The following TEKT1 variants were observed in gnomAD, a reference collection of about 807,000 sequenced individuals.
TEKT1 encodes tektin-1.
In TEKT1, 32 loss-of-function variants were observed where a neutral mutation model predicts 34.8. That is an observed-to-expected ratio of 0.92 (90% CI 0.69 to 1.23). The LOEUF (loss-of-function observed/expected upper bound fraction) is 1.23, where lower values mean the gene tolerates loss of function less well. Ranked by LOEUF, TEKT1 falls within the 50% of genes most tolerant of loss-of-function variation. TEKT1 has a pLI of 0.00. For synonymous variants in TEKT1, 207 were observed against 199.8 expected, an observed-to-expected ratio of 1.04 and a Z score of -0.30; for missense variants, 492 against 518.5, an observed-to-expected ratio of 0.95 and a Z score of 0.50.
At chr17:6,827,949 C>CTTTTTTTTTTTTTTTTTTT (rs1392072130) in intron 2 of TEKT1, among the ~76,000 whole-genome samples, 1 of 148,666 alleles carries the variant, frequency 6.7e-6, no homozygotes, top group Non-Finnish European at 1.5e-5. Flanking sequence ...GATTTCTCTT[C>CTTTTTTTTTTTTTTTTTTT]TTTTTTTTGT....
chr17:6,828,702 C>A (rs1329222132), intron 2 of TEKT1, among the ~76,000 whole-genome samples: 1 of 152,050 alleles, frequency 6.6e-6, no homozygotes, highest in Non-Finnish European at 1.5e-5. Context: ...TATAGATAGT[C>A]GAGTTGGTTA....
intron 2 of TEKT1, 68 bp downstream of exon 2, chr17:6,830,114 AACATG>A: frequency 7.0e-7 from 1 of 1,421,134 alleles, no homozygotes; most frequent in Non-Finnish European, 9.6e-7. Context: ...GCCACATCTG[AACATG>A]ACACTATAGC....
Position 6,811,881 on chromosome 17 carries a change from A to C in TEKT1, c.852+950T>G, listed in dbSNP as rs902969239. The stretch of plus-strand genomic sequence containing the variant: ...GACATCGACAAATTCTACAGGAAGG[A>C]CCCTAATCTGTAGAATTTGCCGATA... On this transcript the variant is annotated intron_variant, in intron 6 of 7. Transcript: ENST00000338694. The surrounding 1 kb of genome is among the most constrained non-coding windows in gnomAD (Gnocchi z 4.4). Among the ~76,000 whole-genome samples, 1 of 152,038 alleles carries C rather than the reference A, an allele frequency of 6.6e-6. No individual in the cohort carries two copies. The highest frequency in any genetic ancestry group is 1.5e-5 in the Non-Finnish European group (1 of 68,004).
At chr17:6,814,227 A>G (rs911718996) in intron 5 of TEKT1, among the ~76,000 whole-genome samples, 1 of 152,158 alleles carries the variant, frequency 6.6e-6, no homozygotes, top group Admixed American at 6.5e-5. Context: ...GAGATAATAC[A>G]TGTTTATTGT....
rs79630153 is a variant in TEKT1, at chr17:6,815,146, C to A, written c.629+17G>T. On this transcript the variant is annotated intron_variant, in intron 5 of 7. Transcript: ENST00000338694. ...ACTGGGTCACCCGCGAGGAGGAAGACGGCAAGGCCCACTCACTTTGGCTCA... is the reference window on the plus strand; with the variant it reads ...ACTGGGTCACCCGCGAGGAGGAAGAAGGCAAGGCCCACTCACTTTGGCTCA... 1 of 1,599,516 alleles carries A rather than the reference C, an allele frequency of 6.3e-7. No individual in the cohort carries two copies. The highest frequency in any genetic ancestry group is 2.2e-5 in the East Asian group (1 of 44,824).
chr17:6,804,891 A>G (rs963932265), intron 6 of TEKT1, among the ~76,000 whole-genome samples: 7 of 152,166 alleles, frequency 4.6e-5, no homozygotes, highest in Non-Finnish European at 7.3e-5. Flanking sequence ...TTTTGCATCA[A>G]TGTTCATCAG....
chr17:6,829,515 CT>C (rs34702459), intron 2 of TEKT1, among the ~76,000 whole-genome samples: 46,262 of 137,278 alleles, frequency 0.34, 6,601 homozygotes, highest in African/African-American at 0.36. Flanking sequence ...CTTTTTCTTT[CT>C]TTTTTTTTTT....
intron 6 of TEKT1, among the ~76,000 whole-genome samples, chr17:6,806,369 A>G (rs563152368): frequency 1.3e-5 from 2 of 152,196 alleles, no homozygotes; most frequent in South Asian, 4.1e-4. Flanking sequence ...GTCTCTGCAC[A>G]TGAGATGGGT....
At position 6,822,365 on chromosome 17, in the gene TEKT1, G is replaced by A. The variant is rs1050577293; in HGVS notation, c.191-3007C>T. Among the ~76,000 whole-genome samples, 21 of 152,090 alleles carry A rather than the reference G, an allele frequency of 1.4e-4. 1 individual carries two copies. Among genetic ancestry groups the A allele is most frequent in the Admixed American group, 1.0e-3 (16 of 15,280 alleles). Reference sequence around the variant, plus strand: ...TTGCCAAGGCTGGTCTCAAACTCCTGGTCTCAACTGATCTTCCTATTTTGG... The same window carrying A: ...TTGCCAAGGCTGGTCTCAAACTCCTAGTCTCAACTGATCTTCCTATTTTGG... On this transcript the variant is annotated intron_variant, in intron 2 of 7. Transcript: ENST00000338694.
intron 2 of TEKT1, among the ~76,000 whole-genome samples, chr17:6,826,719 G>A (rs1205088134): frequency 2.3e-4 from 34 of 149,550 alleles, no homozygotes; most frequent in African/African-American, 7.6e-4. Flanking sequence ...TTTTTGCGAC[G>A]GAGTCTTGCT....
intron 2 of TEKT1, among the ~76,000 whole-genome samples, chr17:6,828,650 C>T (rs796998621): frequency 3.3e-5 from 5 of 152,222 alleles, no homozygotes; most frequent in African/African-American, 1.2e-4. Context: ...CTACTAAACC[C>T]TAATGCCTTA....
At chr17:6,806,184 G>T (rs1033190781) in intron 6 of TEKT1, among the ~76,000 whole-genome samples, 2 of 152,150 alleles carry the variant, frequency 1.3e-5, no homozygotes, top group Admixed American at 6.5e-5. Context: ...AGGATAGTTA[G>T]CTCTTCTTGT....
intron 2 of TEKT1, among the ~76,000 whole-genome samples, chr17:6,823,884 G>A (rs1225601195): frequency 1.4e-5 from 2 of 137,932 alleles, no homozygotes; most frequent in Admixed American, 8.0e-5. Flanking sequence ...CTGCAGTGGC[G>A]CTATCTCGGC....
At chr17:6,819,818 G>C (rs974439072) in intron 2 of TEKT1, among the ~76,000 whole-genome samples, 1 of 152,128 alleles carries the variant, frequency 6.6e-6, no homozygotes, top group South Asian at 2.1e-4. Flanking sequence ...CTCCCGAGTA[G>C]CTGTGACTAC....
chr17:6,815,276 C>G lies in TEKT1; in HGVS notation c.516G>C (p.Glu172Asp). Reference protein sequence around the residue: ...RMNRSAKYNLEKDLKDKFVAL... With the variant: ...RMNRSAKYNLDKDLKDKFVAL... ...CCACAAACTTGTCCTTCAAATCCTT[C>G]TCAAGATTGTACTTGGCAGAGCGGT... Residue 172 changes from glutamate to aspartate, a missense_variant, in exon 5 of 8, where the codon GAG (glutamate) becomes GAC (aspartate). Physicochemically the swap from Glu to Asp is conservative, Grantham distance 45 (BLOSUM62 2). Transcript: ENST00000338694. 6.2e-7 allele frequency: 1 copy of G among 1,614,248 alleles called. No homozygotes were observed. The highest frequency in any genetic ancestry group is 8.5e-7 in the Non-Finnish European group (1 of 1,180,052).
In TEKT1 at chr17:6,829,747, T is replaced by A. The variant is rs535056373; in HGVS notation, c.190+440A>T. Among the ~76,000 whole-genome samples the A allele has an allele frequency of 1.3e-5, 2 of 151,880 alleles. 1 individual carries two copies. The highest frequency in any genetic ancestry group is 4.9e-5 in the African/African-American group (2 of 41,208). On this transcript the variant is annotated intron_variant, in intron 2 of 7. Transcript: ENST00000338694. ...CTGTATTGTTTTTATTTGTATTCTT[T>A]AATTGTTGTAATCTTTTATTGTTTT...
intron 6 of TEKT1, among the ~76,000 whole-genome samples, chr17:6,809,861 T>C (rs1976903027): frequency 6.6e-6 from 1 of 152,240 alleles, no homozygotes; most frequent in Admixed American, 6.5e-5. Context: ...TAATATTTCA[T>C]TGTCTGGATG....
intron 6 of TEKT1, among the ~76,000 whole-genome samples, chr17:6,805,909 A>G (rs1359547780): frequency 6.6e-6 from 1 of 152,292 alleles, no homozygotes; most frequent in South Asian, 2.1e-4. Flanking sequence ...TTTTGGAATA[A>G]GTGCGGTGTG....
intron 6 of TEKT1, among the ~76,000 whole-genome samples, chr17:6,805,389 A>G (rs1321986907): frequency 2.0e-5 from 3 of 151,844 alleles, no homozygotes; most frequent in Non-Finnish European, 4.4e-5. Flanking sequence ...CGGTCTATCA[A>G]TTTTGTTGAT....
Sources: gnomAD v4.1 joint callset for allele counts (sites outside exome capture counted in the v4.1 genomes callset) on GRCh38, gnomAD v4.1.1 for gene constraint, Gnocchi (gnomAD v3.1) non-coding constraint, MANE v1.5 for transcripts, NCBI Gene and HGNC (gene_info 2026-07-23, HGNC 2026-07-21) for gene names.